ANKRD36: variants seen among roughly 807,000 people sequenced by gnomAD.
ANKRD36 encodes ankyrin repeat domain 36.
In ANKRD36, 179 loss-of-function variants were observed where a neutral mutation model predicts 278.1. The ratio of observed to expected loss-of-function variants is 0.64; its 90% CI spans 0.57 to 0.73. The LOEUF is 0.73. ANKRD36 is among the 30% of genes least tolerant of loss of function. The pLI is 0.00. For missense variants in ANKRD36, 1,159 were observed against 1,956.7 expected (o/e 0.59, Z 7.69); for synonymous variants, 320 against 641.1 (o/e 0.50, Z 7.57).
intron 42 of ANKRD36, among the ~76,000 whole-genome samples, chr2:97,198,183 T>G (rs2060327413): frequency 6.6e-6 from 1 of 151,944 alleles, no homozygotes; most frequent in African/African-American, 2.4e-5. Flanking sequence ...TCCTCATCAC[T>G]CGGCATATCC....
intron 32 of ANKRD36, 120 bp downstream of exon 32, chr2:97,187,521 A>G: frequency 2.9e-6 from 4 of 1,368,774 alleles, no homozygotes; most frequent in Non-Finnish European, 4.0e-6. Context: ...ATTCTGATCC[A>G]GCAGGTCTGA....
At chr2:97,198,316 T>A (rs2060372782) in intron 42 of ANKRD36, 147 bp from the exon 43 acceptor site, 1 of 1,489,536 alleles carries the variant, frequency 6.7e-7, no homozygotes. Context: ...TTCTGTCACG[T>A]TCTAGTCCCC....
chr2:97,207,668 A>C, intron 52 of ANKRD36, 143 bp from the exon 53 acceptor site: 3 of 1,337,986 alleles, frequency 2.2e-6, no homozygotes, highest in Non-Finnish European at 3.1e-6. Context: ...GTCATGTTCT[A>C]GTCCCCAGAC....
In ANKRD36 at chr2:97,204,089, G is replaced by T; in HGVS notation, c.2981G>T (p.Gly994Val). Residue 994 changes from glycine to valine, a missense_variant, in exon 49 of 76, where the codon GGC becomes GTC. By Grantham distance (109) the Gly-to-Val change is moderately radical. Coordinates refer to ENST00000420699, the MANE Select transcript of ANKRD36 (RefSeq NM_001354587.1). ...TCAGTGTCTTCTGAGAAACCACCAGGCTTGAAGGTAATGAAACTGTCGTTT... is the reference window on the plus strand; with the variant it reads ...TCAGTGTCTTCTGAGAAACCACCAGTCTTGAAGGTAATGAAACTGTCGTTT... ...SRTVSSEKPP[G>V]LKATSDEKDS... 3 of 1,575,580 alleles carry T rather than the reference G, an allele frequency of 1.9e-6. No homozygotes were observed. Among genetic ancestry groups the T allele is most frequent in the Non-Finnish European group, 2.6e-6 (3 of 1,162,958 alleles).
At chr2:97,124,266 TCCTTTTTGTTCCTTGCTTTTAA>T (rs926943380) in intron 4 of ANKRD36, among the ~76,000 whole-genome samples, 172 bp from the exon 5 acceptor site, 1 of 151,910 alleles carries the variant, frequency 6.6e-6, no homozygotes, top group East Asian at 1.9e-4. Flanking sequence ...ACAAGAGGCT[TCCTTTTTGTTCCTTGCTTTTAA>T]CCTTTGTGGT....
chr2:97,207,795 C>T lies in ANKRD36; in HGVS notation c.3164-16C>T. The T allele has an allele frequency of 3.2e-6, 5 of 1,545,588 alleles. No individual in the cohort carries two copies. Among genetic ancestry groups the T allele is most frequent in the Admixed American group, 2.0e-5 (1 of 50,886 alleles). ...TTTTTACACATGAGTGATTATGAAT[C>T]CCTTTTACTTTTCAGTGTCTTCTGA... On this transcript the variant is annotated splice_polypyrimidine_tract_variant and intron_variant, in intron 52 of 75. Coordinates refer to ENST00000420699, the MANE Select transcript of ANKRD36 (RefSeq NM_001354587.1).
At position 97,164,486 on chromosome 2, in the gene ANKRD36, A is replaced by G. The variant is rs2050093834; in HGVS notation, c.1531+17A>G. On this transcript the variant is annotated intron_variant, in intron 20 of 75. Coordinates refer to ENST00000420699, the MANE Select transcript of ANKRD36 (RefSeq NM_001354587.1). ...CCAGTGAAGGTAAATTTGCCGCTAC[A>G]AATTTCGTTCTAGAAAATGTAGATG... The G allele has an allele frequency of 6.5e-7, 1 of 1,534,200 alleles. No individual in the cohort carries two copies.
At chr2:97,193,255 C>G (rs2153571180) in intron 38 of ANKRD36, among the ~76,000 whole-genome samples, 1 of 142,128 alleles carries the variant, frequency 7.0e-6, no homozygotes. Flanking sequence ...ATACACTTCC[C>G]CACATTGAAA....
At chr2:97,116,268 A>C (rs1488638190) in intron 1 of ANKRD36, among the ~76,000 whole-genome samples, 2 of 151,924 alleles carry the variant, frequency 1.3e-5, no homozygotes, top group Non-Finnish European at 2.9e-5. Context: ...TTTATTATTT[A>C]TGTCTTTGTT....
rs1284933549 is a variant in ANKRD36, at chr2:97,118,059, C to T, written c.198-5C>T. On this transcript the variant is annotated splice_region_variant and splice_polypyrimidine_tract_variant and intron_variant, in intron 1 of 75. Coordinates refer to ENST00000420699, the MANE Select transcript of ANKRD36 (RefSeq NM_001354587.1). ...ATGTTTTAAAAAGTCCTGTCACTCT[C>T]ACAGGACCGCCCTACATTTGGCCTG... is the stretch of plus-strand genomic sequence containing the variant. 9 of 1,551,472 alleles carry T rather than the reference C, an allele frequency of 5.8e-6. 1 individual carries two copies. The highest frequency in any genetic ancestry group is 2.4e-5 in the South Asian group (2 of 83,708).
chr2:97,173,642 T>G (rs1329095350), intron 22 of ANKRD36, among the ~76,000 whole-genome samples: 1 of 151,794 alleles, frequency 6.6e-6, no homozygotes, highest in African/African-American at 2.4e-5. Context: ...AATATGGATG[T>G]TAGATTTATG....
At chr2:97,190,879 A>G in intron 34 of ANKRD36, 99 bp from the exon 35 acceptor site, 1 of 1,520,698 alleles carries the variant, frequency 6.6e-7, no homozygotes, top group Non-Finnish European at 8.9e-7. Context: ...ACACTAGTAC[A>G]GGCAGAAGGA....
chr2:97,117,074 A>G (rs1417471517), intron 1 of ANKRD36, among the ~76,000 whole-genome samples: 1 of 151,252 alleles, frequency 6.6e-6, no homozygotes, highest in African/African-American at 2.4e-5. Context: ...AAACAAAAGC[A>G]ATTCTGAAGT....
intron 36 of ANKRD36, 109 bp downstream of exon 36, chr2:97,191,290 G>C (rs756243920): frequency 8.0e-7 from 1 of 1,248,318 alleles, no homozygotes; most frequent in Non-Finnish European, 1.1e-6. Flanking sequence ...TTATCATTCA[G>C]CTGTCCTGAG....
Position 97,158,585 on chromosome 2 carries a change from T to C in ANKRD36, c.1322-3T>C, listed in dbSNP as rs1288717813. On this transcript the variant is annotated splice_region_variant and splice_polypyrimidine_tract_variant and intron_variant, in intron 16 of 75. Transcript: ENST00000420699. ...TCTACTCTTGACTTTGTTTTTACTG[T>C]AGTAGATGCTGCATGTGGCATTGAC... 1.2e-5 allele frequency: 18 copies of C among 1,535,936 alleles called. No individual in the cohort carries two copies. The highest frequency in any genetic ancestry group is 1.7e-4 in the Middle Eastern group (1 of 5,984).
chr2:97,134,647 C>G (rs1056591844), intron 6 of ANKRD36, among the ~76,000 whole-genome samples: 1 of 152,010 alleles, frequency 6.6e-6, no homozygotes, highest in South Asian at 2.1e-4. Flanking sequence ...GAGAGTCATA[C>G]TATTTTTGTT....
chr2:97,155,765 C>T (rs62153870), intron 15 of ANKRD36, among the ~76,000 whole-genome samples: 79,128 of 144,912 alleles, frequency 0.55, 27,878 homozygotes, highest in Non-Finnish European at 0.74. Context: ...TGTAAAACTC[C>T]TGCATTACTA....
rs767815049 is a variant in ANKRD36 at position 97,202,307 on chromosome 2, T to A, written c.2887-14T>A. ...ACATACTTTATTTATTATTTCGTTT[T>A]AAATTCCATTCAGGGTACAAGTGAC... On this transcript the variant is annotated splice_polypyrimidine_tract_variant and intron_variant, in intron 47 of 75. Coordinates refer to ENST00000420699, the MANE Select transcript of ANKRD36 (RefSeq NM_001354587.1). 5.7e-6 allele frequency: 9 copies of A among 1,585,278 alleles called. No individual in the cohort carries two copies. The highest frequency in any genetic ancestry group is 7.7e-6 in the Non-Finnish European group (9 of 1,169,994).
intron 66 of ANKRD36, among the ~76,000 whole-genome samples, chr2:97,220,080 TGTGTG>T: frequency 9.9e-6 from 1 of 100,546 alleles, no homozygotes; most frequent in African/African-American, 6.3e-5. Context: ...TGTGTGTGTG[TGTGTG>T]TTTTATTTTT....
Sources: allele counts gnomAD v4.1 joint callset (sites outside exome capture counted in the v4.1 genomes callset), GRCh38; gene constraint gnomAD v4.1.1; transcripts MANE v1.5; gene names NCBI Gene and HGNC (gene_info 2026-07-23, HGNC 2026-07-21).